Variants in ZSWIM5 observed in about 807,000 individuals in gnomAD.
ZSWIM5 encodes the protein zinc finger SWIM-type containing 5.
A neutral mutation model predicts 119.6 loss-of-function variants in ZSWIM5; 55 were observed. The observed-to-expected ratio is 0.46, with a 90% CI of 0.37 to 0.58. ZSWIM5 has a LOEUF of 0.58. Among genes scored for constraint, ZSWIM5 ranks in the 20% least tolerant of loss-of-function variants. The probability of loss-of-function intolerance (pLI) is 0.00; values close to 1 mark genes in which losing one functional copy is unlikely to be tolerated. For missense variants in ZSWIM5, 1,193 were observed against 1,512.8 expected (o/e 0.79, Z 3.51); for synonymous variants, 537 against 606.9 (o/e 0.88, Z 1.69).
At chr1:45,172,054 TCACCGTC>T (rs1645948690) in intron 1 of ZSWIM5, among the ~76,000 whole-genome samples, 1 of 151,958 alleles carries the variant, frequency 6.6e-6, no homozygotes. Flanking sequence ...CTTCTCAAAT[TCACCGTC>T]CAAAATGCAG....
chr1:45,020,432 T>C (rs543466016), intron 12 of ZSWIM5, among the ~76,000 whole-genome samples, 193 bp downstream of exon 12: 1 of 152,322 alleles, frequency 6.6e-6, no homozygotes, highest in South Asian at 2.1e-4. Flanking sequence ...AGCTTTATCT[T>C]GCTTCTGGCC....
chr1:45,089,980 G>C (rs1352236562), intron 1 of ZSWIM5, among the ~76,000 whole-genome samples: 1 of 152,150 alleles, frequency 6.6e-6, no homozygotes, highest in Non-Finnish European at 1.5e-5. Context: ...CTGTGAACAG[G>C]AAAGCTATTT....
At position 45,019,367 on chromosome 1, in the gene ZSWIM5, G is replaced by T; in HGVS notation, c.2696-51C>A. On this transcript the variant is annotated intron_variant, in intron 13 of 13. Coordinates refer to ENST00000359600, the MANE Select transcript of ZSWIM5 (RefSeq NM_020883.2). The surrounding 1 kb of genome is among the most constrained non-coding windows in gnomAD (Gnocchi z 5.0). ...CGTGGCCATCTGGGTCCTGATTCAG[G>T]TCTACCCAGATTACCATTTGGGGTT... 1.3e-6 allele frequency: 2 copies of T among 1,564,812 alleles called. No homozygotes were observed. The highest frequency in any genetic ancestry group is 1.7e-6 in the Non-Finnish European group (2 of 1,160,074).
chr1:45,141,705 C>G (rs1163903540), intron 1 of ZSWIM5, among the ~76,000 whole-genome samples: 1 of 152,036 alleles, frequency 6.6e-6, no homozygotes, highest in African/African-American at 2.4e-5. Flanking sequence ...AAATATATTA[C>G]CATGTAAACA....
At chr1:45,064,319 T>C (rs1254414310) in intron 2 of ZSWIM5, among the ~76,000 whole-genome samples, 1 of 152,222 alleles carries the variant, frequency 6.6e-6, no homozygotes, top group East Asian at 1.9e-4. Flanking sequence ...CATTAGAATT[T>C]TGCATTTCTC....
At chr1:45,172,409 T>C (rs1002200905) in intron 1 of ZSWIM5, among the ~76,000 whole-genome samples, 24 of 152,162 alleles carry the variant, frequency 1.6e-4, no homozygotes, top group Non-Finnish European at 1.5e-5. Flanking sequence ...AGTGCAGATA[T>C]ATTCTTAGTG....
intron 1 of ZSWIM5, among the ~76,000 whole-genome samples, chr1:45,157,637 T>G (rs1480444664): frequency 6.6e-6 from 1 of 152,222 alleles, no homozygotes. Context: ...TGACCAAAAC[T>G]GCTTTGAATA....
At chr1:45,118,208 C>T (rs1645570363) in intron 1 of ZSWIM5, among the ~76,000 whole-genome samples, 1 of 152,170 alleles carries the variant, frequency 6.6e-6, no homozygotes, top group African/African-American at 2.4e-5. Flanking sequence ...TAAAGTACAA[C>T]TAACTCCACA....
rs1012634408 is a variant in ZSWIM5 at position 45,056,919 on chromosome 1, T to G, written c.1252+1690A>C. ...GGTCCCATTTTCTCTAGTTCAGAAA[T>G]GGAAAGTAGTGAGCCATTTCTCTCT... On this transcript the variant is annotated intron_variant, in intron 4 of 13. Coordinates refer to ENST00000359600, the MANE Select transcript of ZSWIM5 (RefSeq NM_020883.2). 5.3e-5 allele frequency among the ~76,000 whole-genome samples: 8 copies of G among 152,266 alleles called. No homozygotes were observed. The South Asian group carries it at 1.0e-3, about 20-fold the overall frequency.
At chr1:45,197,537 T>C (rs1646133763) in intron 1 of ZSWIM5, among the ~76,000 whole-genome samples, 1 of 152,216 alleles carries the variant, frequency 6.6e-6, no homozygotes, top group Non-Finnish European at 1.5e-5. Flanking sequence ...AATTTCCTTA[T>C]CCATTCCCCC....
chr1:45,175,020 G>A (rs141431519), intron 1 of ZSWIM5, among the ~76,000 whole-genome samples: 70 of 152,150 alleles, frequency 4.6e-4, no homozygotes, highest in African/African-American at 1.7e-3. Flanking sequence ...CCCCAAAAAT[G>A]TCCCCATAAG....
At chr1:45,059,973 C>G (rs1645143219) in intron 3 of ZSWIM5, 126 bp downstream of exon 3, 3 of 1,223,142 alleles carry the variant, frequency 2.5e-6, no homozygotes, top group African/African-American at 1.5e-5. Flanking sequence ...CACTAGATTT[C>G]AAGTATTCAG....
At chr1:45,039,949 C>G (rs1337191220) in intron 7 of ZSWIM5, among the ~76,000 whole-genome samples, 1 of 152,038 alleles carries the variant, frequency 6.6e-6, no homozygotes, top group Non-Finnish European at 1.5e-5. Flanking sequence ...CAGGTGATTG[C>G]CTGCCTCGGC....
chr1:45,068,442 G>A (rs1281752154), intron 2 of ZSWIM5, among the ~76,000 whole-genome samples: 1 of 151,210 alleles, frequency 6.6e-6, no homozygotes, highest in East Asian at 1.9e-4. Context: ...TGTACGGTGA[G>A]CTGAAATCAT....
intron 2 of ZSWIM5, among the ~76,000 whole-genome samples, chr1:45,064,471 T>G (rs1261788040): frequency 6.6e-6 from 1 of 152,216 alleles, no homozygotes; most frequent in Non-Finnish European, 1.5e-5. Context: ...AGGCATATAT[T>G]GTGTCCTATG....
At chr1:45,083,462 G>A (rs1645306591) in intron 2 of ZSWIM5, among the ~76,000 whole-genome samples, 2 of 152,036 alleles carry the variant, frequency 1.3e-5, no homozygotes, top group African/African-American at 2.4e-5. Context: ...TGTTGTTCAG[G>A]CTGTTTTCAT....
At chr1:45,171,676 C>G (rs191666101) in intron 1 of ZSWIM5, among the ~76,000 whole-genome samples, 1 of 152,146 alleles carries the variant, frequency 6.6e-6, no homozygotes, top group East Asian at 1.9e-4. Flanking sequence ...AAAGCACTAT[C>G]AAAGGGGCTT....
At chr1:45,167,507 A>C (rs1216773905) in intron 1 of ZSWIM5, among the ~76,000 whole-genome samples, 1 of 152,088 alleles carries the variant, frequency 6.6e-6, no homozygotes, top group African/African-American at 2.4e-5. Flanking sequence ...TCTGCACAGC[A>C]AAAGAAACTA....
At chr1:45,099,671 C>T (rs999759809) in intron 1 of ZSWIM5, among the ~76,000 whole-genome samples, 1 of 152,190 alleles carries the variant, frequency 6.6e-6, no homozygotes, top group Non-Finnish European at 1.5e-5. Flanking sequence ...CAAACCGAAT[C>T]CAGCAGCACA....
Sources: allele counts gnomAD v4.1 joint callset (sites outside exome capture counted in the v4.1 genomes callset), GRCh38; gene constraint gnomAD v4.1.1; non-coding constraint Gnocchi (gnomAD v3.1); transcripts MANE v1.5; gene names NCBI Gene and HGNC (gene_info 2026-07-23, HGNC 2026-07-21).